The following AGBL3 variants were observed in gnomAD, a reference collection of about 807,000 sequenced individuals.
AGBL3 encodes the protein cytosolic carboxypeptidase 3.
A neutral mutation model predicts 94.5 loss-of-function variants in AGBL3; 68 were observed. That is an observed-to-expected ratio of 0.72 (90% CI 0.59 to 0.88). AGBL3 has a LOEUF of 0.88. Among genes scored for constraint, AGBL3 ranks in the 40% least tolerant of loss-of-function variants. The pLI is 0.00. For synonymous variants in AGBL3, 354 were observed against 370.7 expected, an observed-to-expected ratio of 0.95 and a Z score of 0.52; for missense variants, 934 against 1,103.8, an observed-to-expected ratio of 0.85 and a Z score of 2.18.
At chr7:135,042,192 G>T (rs1816919507) in intron 8 of AGBL3, among the ~76,000 whole-genome samples, 2 of 151,998 alleles carry the variant, frequency 1.3e-5, no homozygotes, top group South Asian at 4.2e-4. Context: ...GAAATGAAAA[G>T]GTACATTCAT....
chr7:135,048,553 A>G (rs1468831556), intron 11 of AGBL3, among the ~76,000 whole-genome samples: 8 of 151,882 alleles, frequency 5.3e-5, no homozygotes, highest in Admixed American at 5.3e-4. Flanking sequence ...AGTTTTCATT[A>G]TACAAGTCTT....
At chr7:135,063,947 T>C (rs1412875264) in intron 12 of AGBL3, among the ~76,000 whole-genome samples, 2 of 152,202 alleles carry the variant, frequency 1.3e-5, no homozygotes, top group Non-Finnish European at 2.9e-5. Flanking sequence ...AATTGTGGGT[T>C]GGGTTCAGGT....
intron 13 of AGBL3, among the ~76,000 whole-genome samples, chr7:135,079,826 T>A (rs1488340893): frequency 6.6e-6 from 1 of 152,154 alleles, no homozygotes; most frequent in East Asian, 1.9e-4. Flanking sequence ...TAATTTTATA[T>A]CTTTTCACCC....
intron 15 of AGBL3, among the ~76,000 whole-genome samples, chr7:135,086,823 G>A (rs1270149245): frequency 2.6e-5 from 4 of 151,816 alleles, no homozygotes; most frequent in East Asian, 3.9e-4. Flanking sequence ...TTGTTGTTGC[G>A]TCCTTGTCTG....
chr7:135,069,078 T>C (rs1332507309), intron 12 of AGBL3, among the ~76,000 whole-genome samples: 2 of 152,174 alleles, frequency 1.3e-5, no homozygotes, highest in East Asian at 3.8e-4. Context: ...GTTGCAATCC[T>C]AGTCTCTGAT....
chr7:135,059,269 T>C, intron 12 of AGBL3, 34 bp downstream of exon 12: 2 of 1,494,254 alleles, frequency 1.3e-6, no homozygotes, highest in Non-Finnish European at 9.1e-7. Flanking sequence ...TATGTGGATA[T>C]GCTGTGTAGG....
chr7:135,080,443 G>A (rs566382538), intron 14 of AGBL3, among the ~76,000 whole-genome samples, 183 bp downstream of exon 14: 21 of 152,206 alleles, frequency 1.4e-4, no homozygotes, highest in African/African-American at 4.8e-4. Context: ...CAATCCAAGC[G>A]CAGTGTCATA....
At chr7:135,105,038 A>G (rs1390690570) in intron 15 of AGBL3, among the ~76,000 whole-genome samples, 2 of 148,582 alleles carry the variant, frequency 1.3e-5, no homozygotes, top group African/African-American at 4.9e-5. Context: ...GTTGTCTTCC[A>G]GGGTTTTTAT....
intron 12 of AGBL3, among the ~76,000 whole-genome samples, chr7:135,065,163 CTG>C (rs1227280257): frequency 6.6e-6 from 1 of 152,152 alleles, no homozygotes; most frequent in African/African-American, 2.4e-5. Context: ...TCAGTGAAAA[CTG>C]TAAAATGTTC....
At chr7:135,001,193 A>G (rs552288135) in intron 4 of AGBL3, among the ~76,000 whole-genome samples, 1 of 152,318 alleles carries the variant, frequency 6.6e-6, no homozygotes, top group African/African-American at 2.4e-5. Flanking sequence ...TAATTTCATC[A>G]ACCATTTCAT....
At chr7:135,000,070 C>T (rs1811522714) in intron 4 of AGBL3, among the ~76,000 whole-genome samples, 1 of 152,228 alleles carries the variant, frequency 6.6e-6, no homozygotes, top group Non-Finnish European at 1.5e-5. Flanking sequence ...TATCTCCTTG[C>T]ACTGTCCCAG....
intron 15 of AGBL3, among the ~76,000 whole-genome samples, chr7:135,102,201 C>T (rs552176223): frequency 6.6e-6 from 1 of 152,268 alleles, no homozygotes; most frequent in African/African-American, 2.4e-5. Context: ...ATTCACCGCT[C>T]CAAATCTGTG....
intron 5 of AGBL3, among the ~76,000 whole-genome samples, chr7:135,020,165 G>A (rs941257763): frequency 1.3e-5 from 2 of 151,938 alleles, no homozygotes; most frequent in Non-Finnish European, 2.9e-5. Flanking sequence ...TCTACTCATC[G>A]GACAAACAGC....
At chr7:135,026,362 C>A (rs761709252) in intron 5 of AGBL3, among the ~76,000 whole-genome samples, 1 of 150,340 alleles carries the variant, frequency 6.7e-6, no homozygotes, top group Non-Finnish European at 1.5e-5. Flanking sequence ...GCAACCTCCG[C>A]CTCTTAGGTT....
At chr7:135,119,616 G>A (rs1338466154) in intron 16 of AGBL3, among the ~76,000 whole-genome samples, 2 of 150,922 alleles carry the variant, frequency 1.3e-5, no homozygotes, top group African/African-American at 4.9e-5. Flanking sequence ...AGTGGCTCAT[G>A]CCTGTAATCC....
intron 3 of AGBL3, among the ~76,000 whole-genome samples, chr7:134,990,276 C>T (rs192204855): frequency 6.6e-6 from 1 of 152,328 alleles, no homozygotes; most frequent in African/African-American, 2.4e-5. Flanking sequence ...AGGCTTCACC[C>T]CTGGCTCCAG....
intron 16 of AGBL3, among the ~76,000 whole-genome samples, chr7:135,131,379 C>A (rs532736443): frequency 6.6e-6 from 1 of 151,632 alleles, no homozygotes; most frequent in East Asian, 1.9e-4. Context: ...CACCATAGCA[C>A]ACATATACCT....
chr7:134,991,360 C>T (rs1810245591), intron 3 of AGBL3, among the ~76,000 whole-genome samples: 2 of 152,132 alleles, frequency 1.3e-5, no homozygotes, highest in African/African-American at 4.8e-5. Context: ...ATTCCCTCCA[C>T]ACTGTAAGGA....
intron 16 of AGBL3, among the ~76,000 whole-genome samples, chr7:135,120,794 G>A (rs915581443): frequency 1.3e-5 from 2 of 152,222 alleles, no homozygotes; most frequent in African/African-American, 4.8e-5. Context: ...AAGTGGCTAT[G>A]TTAATATTAG....
Sources: gnomAD v4.1 joint callset for allele counts (sites outside exome capture counted in the v4.1 genomes callset) on GRCh38, gnomAD v4.1.1 for gene constraint, MANE v1.5 for transcripts, NCBI Gene and HGNC (gene_info 2026-07-23, HGNC 2026-07-21) for gene names.